CAB39: variants seen among roughly 807,000 people sequenced by gnomAD.
The protein encoded by CAB39 is calcium binding protein 39, also known as calcium-binding protein 39.
Under a neutral mutation model 40.0 loss-of-function variants are expected in CAB39, and 8 were observed. The ratio of observed to expected loss-of-function variants is 0.20; its 90% confidence interval spans 0.12 to 0.36. CAB39 has a LOEUF of 0.36. Ranked by LOEUF, CAB39 falls within the 10% of genes least tolerant of loss-of-function variation. The pLI is 1.00. For missense variants in CAB39, 270 were observed against 401.1 expected (o/e 0.67, Z 2.79); for synonymous variants, 156 against 141.6 (o/e 1.10, Z -0.72).
chr2:230,795,511 G>C (rs1325914706), intron 4 of CAB39, among the ~76,000 whole-genome samples: 3 of 152,010 alleles, frequency 2.0e-5, no homozygotes, highest in East Asian at 1.9e-4. Context: ...TTTTTTATTA[G>C]ATTCGGATTC....
At chr2:230,770,266 A>G (rs1025674827) in intron 2 of CAB39, among the ~76,000 whole-genome samples, 11 of 152,230 alleles carry the variant, frequency 7.2e-5, no homozygotes, top group Non-Finnish European at 1.2e-4. Context: ...ACAAATTCCC[A>G]TTATCTGGAG....
intron 1 of CAB39, among the ~76,000 whole-genome samples, chr2:230,730,374 A>G (rs1694665272): frequency 6.6e-6 from 1 of 152,174 alleles, no homozygotes; most frequent in South Asian, 2.1e-4. Context: ...TGTGATAATT[A>G]AGCTACCCTT....
intron 2 of CAB39, among the ~76,000 whole-genome samples, chr2:230,771,635 A>G (rs535252802): frequency 5.3e-5 from 8 of 152,336 alleles, no homozygotes; most frequent in Non-Finnish European, 8.8e-5. Flanking sequence ...TGGAAGTGCA[A>G]AAGACCTGGA....
At chr2:230,763,232 G>A (rs1191829628) in intron 2 of CAB39, among the ~76,000 whole-genome samples, 1 of 152,076 alleles carries the variant, frequency 6.6e-6, no homozygotes, top group African/African-American at 2.4e-5. Context: ...AAAACAGCTG[G>A]CTTATCTTAG....
chr2:230,776,548 G>A (rs1412487607), intron 2 of CAB39, among the ~76,000 whole-genome samples: 1 of 152,106 alleles, frequency 6.6e-6, no homozygotes, highest in Admixed American at 6.5e-5. Flanking sequence ...GAATCATATA[G>A]TGTGTAAACT....
chr2:230,731,333 T>C (rs1694684771), intron 1 of CAB39, among the ~76,000 whole-genome samples: 2 of 152,190 alleles, frequency 1.3e-5, no homozygotes, highest in Admixed American at 1.3e-4. Flanking sequence ...AAGAGTTTGG[T>C]CCCGTATATA....
Position 230,748,831 on chromosome 2 carries a change from A to AAAAAAAT in CAB39, c.-43-11127_-43-11126insAAAAATA, listed in dbSNP as rs1386799920. ...CCAAAAAGAAAAAAAAAAAAAAAAA[A>AAAAAAAT]ATATATATATATATATATATATATA... On this transcript the variant is annotated intron_variant, in intron 1 of 8. Transcript: ENST00000258418. Among the ~76,000 whole-genome samples the AAAAAAAT allele has an allele frequency of 1.9e-3, 53 of 28,488 alleles. 1 individual carries two copies. Among genetic ancestry groups the AAAAAAAT allele is most frequent in the African/African-American group, 3.9e-3 (31 of 7,970 alleles). 18.7% of individuals were successfully genotyped at this position (28,488 alleles called of 152,430 possible).
chr2:230,819,991 G>A lies in CAB39; in HGVS notation c.*1287G>A, dbSNP rs1049292279. The A allele has an allele frequency of 1.4e-4, 21 of 152,566 alleles. No individual in the cohort carries two copies. Among genetic ancestry groups the A allele is most frequent in the Admixed American group, 4.6e-4 (7 of 15,274 alleles). 9.5% of individuals were successfully genotyped at this position (152,566 alleles called of 1,614,324 possible). A position where few individuals can be genotyped will look rare whatever the true frequency, so the allele number is the denominator to read the frequency against. On this transcript the variant is annotated 3_prime_UTR_variant, in exon 9 of 9. Transcript: ENST00000258418. ...GACTTCCTAGTCATAGGTGTCCTAT[G>A]GGGAAATTTATTTTTTTTAATGTCC... is the stretch of plus-strand genomic sequence containing the variant.
intron 1 of CAB39, among the ~76,000 whole-genome samples, chr2:230,751,431 A>T (rs1695083912): frequency 1.3e-5 from 2 of 152,188 alleles, no homozygotes; most frequent in South Asian, 4.1e-4. Context: ...GAGTGAATGA[A>T]TGTTCTGCTG....
intron 2 of CAB39, among the ~76,000 whole-genome samples, chr2:230,762,628 A>G (rs1055037346): frequency 6.6e-6 from 1 of 152,212 alleles, no homozygotes; most frequent in Admixed American, 6.5e-5. Flanking sequence ...CTGCAAATTG[A>G]TGAAAGGATA....
chr2:230,741,308 TC>T (rs1213106232), intron 1 of CAB39, among the ~76,000 whole-genome samples: 1 of 152,240 alleles, frequency 6.6e-6, no homozygotes, highest in Non-Finnish European at 1.5e-5. Context: ...TTCAGCTCTT[TC>T]TTCATGACAT....
Position 230,728,986 on chromosome 2 carries a change from A to G in CAB39, c.-44+15756A>G, listed in dbSNP as rs577000148. On this transcript the variant is annotated intron_variant, in intron 1 of 8. Coordinates refer to ENST00000258418, the MANE Select transcript of CAB39 (RefSeq NM_016289.4). ...AAACTAATTAAATATGAAATTGTCA[A>G]AGAAGACAAAACCTGGTATTTACTG... Among the ~76,000 whole-genome samples, 9 of 152,348 alleles carry G rather than the reference A, an allele frequency of 5.9e-5. No homozygotes were observed. In the South Asian group the frequency reaches 1.9e-3, roughly 32 times the overall value.
In CAB39 at chr2:230,759,992, C is replaced by G; in HGVS notation, c.-10C>G. 4 of 1,572,762 alleles carry G rather than the reference C, an allele frequency of 2.5e-6. No individual in the cohort carries two copies. Among genetic ancestry groups the G allele is most frequent in the Non-Finnish European group, 3.5e-6 (4 of 1,142,800 alleles). On this transcript the variant is annotated 5_prime_UTR_variant, in exon 2 of 9. Coordinates refer to ENST00000258418, the MANE Select transcript of CAB39 (RefSeq NM_016289.4). The stretch of plus-strand genomic sequence containing the variant: ...GGCGGAGTGCAGCGGAGGCCCCTGC[C>G]GCTGCCGTCATGCCGTTCCCGTTTG...
At chr2:230,774,705 G>C (rs1243284286) in intron 2 of CAB39, among the ~76,000 whole-genome samples, 1 of 152,118 alleles carries the variant, frequency 6.6e-6, no homozygotes, top group Admixed American at 6.5e-5. Context: ...ATTTTAAGAG[G>C]GGGGAAAGGG....
At chr2:230,733,233 A>C (rs762223869) in intron 1 of CAB39, among the ~76,000 whole-genome samples, 1 of 151,684 alleles carries the variant, frequency 6.6e-6, no homozygotes, top group African/African-American at 2.4e-5. Context: ...TCATTCTCCA[A>C]TTTGCCCTAG....
chr2:230,818,388 C>T, intron 8 of CAB39, 128 bp from the exon 9 acceptor site: 1 of 656,150 alleles, frequency 1.5e-6, no homozygotes. Context: ...TAAAGCAAAA[C>T]CTAATGACCC....
intron 2 of CAB39, among the ~76,000 whole-genome samples, chr2:230,783,519 G>A (rs1244839923): frequency 6.6e-6 from 1 of 151,002 alleles, no homozygotes; most frequent in Non-Finnish European, 1.5e-5. Flanking sequence ...CTGCCATCCA[G>A]GCAGTGGATG....
At position 230,760,094 on chromosome 2, in the gene CAB39, T is replaced by G. The variant is rs1559600992; in HGVS notation, c.93T>G (p.Ile31Met). The G allele has an allele frequency of 3.7e-6, 6 of 1,610,470 alleles. No individual in the cohort carries two copies. The highest frequency in any genetic ancestry group is 5.1e-6 in the Non-Finnish European group (6 of 1,176,822). The change falls in exon 2 of 9, where the codon ATT becomes ATG. Residue 31 changes from isoleucine to methionine, a missense_variant. By Grantham distance (10) the Ile-to-Met change is conservative. Coordinates refer to ENST00000258418, the MANE Select transcript of CAB39 (RefSeq NM_016289.4). ...ESMAVLEKQD[I>M]SDKKAEKATE... ...TGGCTGTTCTGGAAAAGCAAGACAT[T>G]TCTGATAAAAAAGCAGAAAAGGTAT...
chr2:230,800,453 A>G (rs1696069515), intron 5 of CAB39, among the ~76,000 whole-genome samples: 2 of 152,222 alleles, frequency 1.3e-5, no homozygotes, highest in South Asian at 4.1e-4. Flanking sequence ...AAACAAAATG[A>G]ATTTGAGATT....
Sources: gnomAD v4.1 joint callset for allele counts (sites outside exome capture counted in the v4.1 genomes callset) on GRCh38, gnomAD v4.1.1 for gene constraint, MANE v1.5 for transcripts, NCBI Gene and HGNC (gene_info 2026-07-23, HGNC 2026-07-21) for gene names.